ABHD2: variants seen among roughly 807,000 people sequenced by gnomAD.
The protein encoded by ABHD2 is abhydrolase domain containing 2, acylglycerol lipase.
ABHD2 carries 20 observed loss-of-function variants against 48.1 expected under a neutral mutation model. The ratio of observed to expected loss-of-function variants is 0.42; its 90% confidence interval spans 0.29 to 0.60. ABHD2 has a LOEUF of 0.60. ABHD2 is among the 20% of genes least tolerant of loss of function. ABHD2 has a pLI of 0.24. For missense variants in ABHD2, 405 were observed against 550.9 expected (o/e 0.74, Z 2.65); for synonymous variants, 209 against 214.2 (o/e 0.98, Z 0.21).
chr15:89,186,249 T>G lies in ABHD2; in HGVS notation c.815+733T>G, dbSNP rs1034793446. On this transcript the variant is annotated intron_variant, in intron 7 of 10. Transcript: ENST00000352732. The surrounding 1 kb of genome is among the most constrained non-coding windows in gnomAD (Gnocchi z 4.3). The stretch of plus-strand genomic sequence containing the variant: ...TTTCGGCGCCTCCCTGCTCGGAGTT[T>G]GAGCCTCTCCTTATTCTTCATGCTT... Among the ~76,000 whole-genome samples, 1 of 152,208 alleles carries G rather than the reference T, an allele frequency of 6.6e-6. No homozygotes were observed. Among genetic ancestry groups the G allele is most frequent in the Non-Finnish European group, 1.5e-5 (1 of 68,036 alleles).
rs2050967791 is a variant in ABHD2, at chr15:89,173,839, G to T, written c.539-1973G>T. Among the ~76,000 whole-genome samples the T allele has an allele frequency of 6.6e-6, 1 of 152,186 alleles. No individual in the cohort carries two copies. The highest frequency in any genetic ancestry group is 2.1e-4 in the South Asian group (1 of 4,822). The stretch of plus-strand genomic sequence containing the variant: ...AGCTTGATCCTCTACTATCTCACTG[G>T]AGAGGGAGACGGGCTGCCTTCTCAA... On this transcript the variant is annotated intron_variant, in intron 5 of 10. Transcript: ENST00000352732. The surrounding 1 kb of genome is among the most constrained non-coding windows in gnomAD (Gnocchi z 6.5).
chr15:89,052,652 G>A, the ABHD2 span, among the ~76,000 whole-genome samples: 41,468 of 151,632 alleles, frequency 0.27, 6,060 homozygotes, highest in African/African-American at 0.38. Flanking sequence ...AAGCCAAGGA[G>A]CTCGAAAGAT....
rs749058675 is a variant in ABHD2, at chr15:89,116,376, G to A, written c.49G>A (p.Val17Met). 23 of 1,614,116 alleles carry A rather than the reference G, an allele frequency of 1.4e-5. No homozygotes were observed. The African/African-American group carries it at 2.8e-4, about 20-fold the overall frequency. Residue 17 changes from valine to methionine, a missense_variant, in exon 3 of 11, where the codon GTG becomes ATG. Physicochemically the swap from Val to Met is conservative, Grantham distance 21. Coordinates refer to ENST00000352732, the MANE Select transcript of ABHD2 (RefSeq NM_152924.5). The surrounding 1 kb of genome is among the most constrained non-coding windows in gnomAD (Gnocchi z 4.6). ...TPELPAVFDG[V>M]KLAAVAAVLY... ...CGAACTCCCAGCCGTGTTTGATGGA[G>A]TGAAGCTGGCTGCAGTGGCTGCTGT... is the stretch of plus-strand genomic sequence containing the variant.
chr15:89,076,633 G>A, the ABHD2 span, among the ~76,000 whole-genome samples: 1 of 151,982 alleles, frequency 6.6e-6, no homozygotes, highest in East Asian at 1.9e-4. Flanking sequence ...ACAGGTGCAT[G>A]CCACCATGTC....
rs1311616171 is a variant in ABHD2, at chr15:89,168,883, C to T, written c.539-6929C>T. 2.0e-5 allele frequency among the ~76,000 whole-genome samples: 3 copies of T among 152,130 alleles called. No homozygotes were observed. Among genetic ancestry groups the T allele is most frequent in the Non-Finnish European group, 4.4e-5 (3 of 68,038 alleles). On this transcript the variant is annotated intron_variant, in intron 5 of 10. Transcript: ENST00000352732. This position sits in a 1 kb window ranked among gnomAD's most constrained non-coding sequence, Gnocchi z 4.8. Reference sequence around the variant, plus strand: ...CTTGAGCTCAGAAGTTCGAGACCAGCCTGGGCAACATAGTGGAACCTCCCA... The same window carrying T: ...CTTGAGCTCAGAAGTTCGAGACCAGTCTGGGCAACATAGTGGAACCTCCCA...
chr15:89,145,521 G>T (rs12101811), intron 3 of ABHD2, among the ~76,000 whole-genome samples: 4 of 152,172 alleles, frequency 2.6e-5, no homozygotes, highest in Admixed American at 6.5e-5. Flanking sequence ...TTTAATGTGG[G>T]CCGTGGGGTA....
chr15:89,070,708 T>A, the ABHD2 span, among the ~76,000 whole-genome samples: 1 of 152,156 alleles, frequency 6.6e-6, no homozygotes, highest in Admixed American at 6.5e-5. Context: ...GTTCAAGGCA[T>A]GAGGGAGTGG....
At position 89,146,355 on chromosome 15, in the gene ABHD2, C is replaced by CGTGTGTGTGTGTGTGTGTGTGT. The variant is rs4032279; in HGVS notation, c.195-5299_195-5278dup. 9.9e-5 allele frequency among the ~76,000 whole-genome samples: 12 copies of CGTGTGTGTGTGTGTGTGTGTGT among 121,550 alleles called. No homozygotes were observed. The highest frequency in any genetic ancestry group is 9.4e-4 in the South Asian group (3 of 3,176). 79.7% of individuals were successfully genotyped at this position (121,550 alleles called of 152,430 possible). On this transcript the variant is annotated intron_variant, in intron 3 of 10. Coordinates refer to ENST00000352732, the MANE Select transcript of ABHD2 (RefSeq NM_152924.5). The surrounding 1 kb of genome is among the most constrained non-coding windows in gnomAD (Gnocchi z 4.2). ...TGAGCTTCATCTGCTCAAAGACGTACGTGTGTGTGTGTGTGTGTGTGTGTG... is the reference window on the plus strand; with the variant it reads ...TGAGCTTCATCTGCTCAAAGACGTACGTGTGTGTGTGTGTGTGTGTGTGTGTGTGTGTGTGTGTGTGTGTGTG...
At chr15:89,153,400 A>T (rs1042436542) in intron 4 of ABHD2, among the ~76,000 whole-genome samples, 5 of 152,198 alleles carry the variant, frequency 3.3e-5, no homozygotes, top group Non-Finnish European at 5.9e-5. Flanking sequence ...GGTTTTTCCA[A>T]TAGTTATTTA....
Position 89,178,543 on chromosome 15 carries a change from C to G in ABHD2, c.722+2548C>G, listed in dbSNP as rs150324909. ...AGTGAACCCCTCCCTCTGGCTTCTC[C>G]TCCCGTAGCTCACCTCCCATCTAGC... On this transcript the variant is annotated intron_variant, in intron 6 of 10. Coordinates refer to ENST00000352732, the MANE Select transcript of ABHD2 (RefSeq NM_152924.5). Among the ~76,000 whole-genome samples the G allele has an allele frequency of 2.4e-3, 373 of 152,324 alleles. 3 individuals carry two copies. Among genetic ancestry groups the G allele is most frequent in the African/African-American group, 8.2e-3 (339 of 41,560 alleles).
At chr15:89,103,371 A>G (rs2049731427) in intron 1 of ABHD2, among the ~76,000 whole-genome samples, 1 of 152,186 alleles carries the variant, frequency 6.6e-6, no homozygotes, top group Non-Finnish European at 1.5e-5. Flanking sequence ...ACAGAATTTC[A>G]TCAACTTCTT....
the ABHD2 span, among the ~76,000 whole-genome samples, chr15:89,047,677 T>C: frequency 2.0e-5 from 3 of 151,344 alleles, no homozygotes; most frequent in Non-Finnish European, 4.4e-5. Context: ...CTTTTGATCT[T>C]TGTTGGTTTA....
intron 3 of ABHD2, among the ~76,000 whole-genome samples, chr15:89,123,933 C>G (rs1286639030): frequency 6.6e-6 from 1 of 152,122 alleles, no homozygotes; most frequent in African/African-American, 2.4e-5. Flanking sequence ...TAAAGCAGAG[C>G]AAATCTACTT....
chr15:89,162,613 C>G (rs988957469), intron 5 of ABHD2, among the ~76,000 whole-genome samples: 2 of 152,106 alleles, frequency 1.3e-5, no homozygotes, highest in South Asian at 2.1e-4. Context: ...CACTTGGCTT[C>G]TCTTTGTCAC....
intron 1 of ABHD2, among the ~76,000 whole-genome samples, chr15:89,112,405 C>T (rs923888874): frequency 1.3e-5 from 2 of 152,148 alleles, no homozygotes; most frequent in African/African-American, 4.8e-5. Context: ...CTGGTCCATG[C>T]CCTGTTTTTC....
rs552349091 is a variant in ABHD2, at chr15:89,151,909, G to A, written c.370+57G>A. On this transcript the variant is annotated intron_variant, in intron 4 of 10. Transcript: ENST00000352732. The surrounding 1 kb of genome is among the most constrained non-coding windows in gnomAD (Gnocchi z 4.7). Reference sequence around the variant, plus strand: ...TCACTCAGAGAAGGAGCACTAGTCAGTGGAGAGCACAGCAGTGTGAATACT... The same window carrying A: ...TCACTCAGAGAAGGAGCACTAGTCAATGGAGAGCACAGCAGTGTGAATACT... The A allele has an allele frequency of 6.3e-7, 1 of 1,583,472 alleles. No homozygotes were observed. Among genetic ancestry groups the A allele is most frequent in the Non-Finnish European group, 8.6e-7 (1 of 1,163,008 alleles).
At position 89,091,189 on chromosome 15, in the gene ABHD2, C is replaced by T. The variant is rs1227198721; in HGVS notation, c.-107+2626C>T. On this transcript the variant is annotated intron_variant, in intron 1 of 10. Transcript: ENST00000352732. The surrounding 1 kb of genome is among the most constrained non-coding windows in gnomAD (Gnocchi z 5.5). ...TGACAAATAGGCACTCTCAGTGTGCCAGCCAATTCCCTTTTGATGAAAAGA... is the reference window on the plus strand; with the variant it reads ...TGACAAATAGGCACTCTCAGTGTGCTAGCCAATTCCCTTTTGATGAAAAGA... Among the ~76,000 whole-genome samples the T allele has an allele frequency of 3.9e-5, 6 of 152,132 alleles. No individual in the cohort carries two copies. The highest frequency in any genetic ancestry group is 8.8e-5 in the Non-Finnish European group (6 of 68,012).
intron 1 of ABHD2, among the ~76,000 whole-genome samples, chr15:89,103,278 C>G (rs528511913): frequency 9.9e-5 from 15 of 152,276 alleles, no homozygotes; most frequent in Admixed American, 9.1e-4. Context: ...CAGCTTTCTG[C>G]TAAAGAGCTG....
At chr15:89,183,284 T>C (rs566702979) in intron 6 of ABHD2, 1 of 151,046 alleles carries the variant, frequency 6.6e-6, no homozygotes, top group Non-Finnish European at 1.5e-5. Context: ...TTGATTTGTC[T>C]ATGTTTCTTT....
Sources: allele counts gnomAD v4.1 joint callset (sites outside exome capture counted in the v4.1 genomes callset), GRCh38; gene constraint gnomAD v4.1.1; non-coding constraint Gnocchi (gnomAD v3.1); transcripts MANE v1.5; gene names NCBI Gene and HGNC (gene_info 2026-07-23, HGNC 2026-07-21).